BRPF3: variants seen among roughly 807,000 people sequenced by gnomAD.
The protein encoded by BRPF3 is bromodomain and PHD finger containing 3, also known as bromodomain and PHD finger-containing protein 3.
BRPF3 carries 18 observed loss-of-function variants against 102.0 expected under a neutral mutation model. That is an observed-to-expected ratio of 0.18 (90% CI 0.12 to 0.26). The LOEUF (loss-of-function observed/expected upper bound fraction) is 0.26. BRPF3 is among the 10% of genes least tolerant of loss of function. BRPF3 has a pLI of 1.00. For synonymous variants in BRPF3, 570 were observed against 614.2 expected, an observed-to-expected ratio of 0.93 and a Z score of 1.06; for missense variants, 1,147 against 1,567.8, an observed-to-expected ratio of 0.73 and a Z score of 4.53.
At chr6:36,199,325 A>G (rs1217484694) in intron 1 of BRPF3, among the ~76,000 whole-genome samples, 2 of 152,218 alleles carry the variant, frequency 1.3e-5, no homozygotes, top group Non-Finnish European at 2.9e-5. Flanking sequence ...TGATGATCTG[A>G]GGTGGAACAG....
chr6:36,214,360 G>C lies in BRPF3; in HGVS notation c.2963G>C (p.Arg988Thr), dbSNP rs1189004247. The change falls in exon 8 of 13, where the codon AGG (arginine) becomes ACG (threonine). Residue 988 changes from arginine (R) to threonine (T), a missense_variant. Physicochemically the swap from Arg to Thr is moderately conservative, Grantham distance 71. Coordinates refer to ENST00000357641, the MANE Select transcript of BRPF3 (RefSeq NM_015695.3). ...SRSCSESEGERSPQQEEETGM... is the reference protein window; with the variant it reads ...SRSCSESEGETSPQQEEETGM... ...AGCTGTAGTGAGAGCGAAGGGGAGA[G>C]GTCCCCCCAGCAGGAGGAAGAGACA... 3 of 1,596,710 alleles carry C rather than the reference G, an allele frequency of 1.9e-6. No individual in the cohort carries two copies. The African/African-American group carries it at 4.0e-5, about 21-fold the overall frequency.
chr6:36,207,997 A>G (rs78446375), intron 4 of BRPF3, among the ~76,000 whole-genome samples: 1 of 152,228 alleles, frequency 6.6e-6, no homozygotes, highest in Admixed American at 6.5e-5. Flanking sequence ...CCTCTTCTAC[A>G]GACTACCTGT....
chr6:36,204,342 T>C (rs1207309957), intron 2 of BRPF3: 1 of 354,436 alleles, frequency 2.8e-6, no homozygotes, highest in Non-Finnish European at 5.3e-6. Flanking sequence ...TATTGAGGCA[T>C]AGGCTTGTTT....
chr6:36,209,784 C>T lies in BRPF3; in HGVS notation c.1738-3C>T. 1.9e-6 allele frequency: 3 copies of T among 1,613,742 alleles called. No individual in the cohort carries two copies. Among genetic ancestry groups the T allele is most frequent in the Non-Finnish European group, 2.5e-6 (3 of 1,179,792 alleles). On this transcript the variant is annotated splice_region_variant and splice_polypyrimidine_tract_variant and intron_variant, in intron 4 of 12. Coordinates refer to ENST00000357641, the MANE Select transcript of BRPF3 (RefSeq NM_015695.3). ...ATCTGATCTCACCCCACCTTCCCCA[C>T]AGGTCAAAGTCCAGCAGGCTGCCAT...
intron 4 of BRPF3, among the ~76,000 whole-genome samples, 161 bp from the exon 5 acceptor site, chr6:36,209,626 C>T (rs946171049): frequency 1.3e-5 from 2 of 152,092 alleles, no homozygotes; most frequent in African/African-American, 4.8e-5. Flanking sequence ...GTCATTATTC[C>T]TAGGCTAAAG....
At chr6:36,213,789 CT>C in intron 7 of BRPF3, 90 bp from the exon 8 acceptor site, 1 of 1,321,666 alleles carries the variant, frequency 7.6e-7, no homozygotes, top group Non-Finnish European at 1.0e-6. Flanking sequence ...ACAGCCAATG[CT>C]TTTGGTCCTT....
At chr6:36,203,646 A>G (rs931467329) in intron 2 of BRPF3, among the ~76,000 whole-genome samples, 2 of 152,220 alleles carry the variant, frequency 1.3e-5, no homozygotes, top group East Asian at 3.8e-4. Flanking sequence ...CAACATGCCC[A>G]TCCTTCTAAG....
chr6:36,226,963 T>G (rs1429899993), intron 11 of BRPF3, among the ~76,000 whole-genome samples: 1 of 152,330 alleles, frequency 6.6e-6, no homozygotes, highest in East Asian at 1.9e-4. Context: ...AGGTTTGGAT[T>G]TAAAAAACAA....
In BRPF3 at chr6:36,230,163, C is replaced by T. The variant is rs893596488; in HGVS notation, c.3435-263C>T. Among the ~76,000 whole-genome samples, 1 of 152,142 alleles carries T rather than the reference C, an allele frequency of 6.6e-6. No individual in the cohort carries two copies. The highest frequency in any genetic ancestry group is 6.5e-5 in the Admixed American group (1 of 15,290). ...TCTTAGCCTATGGACCCTTACAACT[C>T]TCCAAACAGAGTAAGGGCCCAGAGA... On this transcript the variant is annotated intron_variant, in intron 12 of 12. Transcript: ENST00000357641. The surrounding 1 kb of genome is among the most constrained non-coding windows in gnomAD (Gnocchi z 5.4).
At chr6:36,207,678 A>G (rs1767953803) in intron 4 of BRPF3, among the ~76,000 whole-genome samples, 1 of 152,178 alleles carries the variant, frequency 6.6e-6, no homozygotes, top group Admixed American at 6.5e-5. Context: ...TTAATATCAT[A>G]TGCCTGGGCC....
Position 36,211,297 on chromosome 6 carries a change from C to G in BRPF3, c.2219C>G (p.Ser740Cys). The G allele has an allele frequency of 6.2e-7, 1 of 1,614,198 alleles. No homozygotes were observed. The highest frequency in any genetic ancestry group is 1.1e-5 in the South Asian group (1 of 91,082). Reference sequence around the variant, plus strand: ...ATCCCAGAGAACCGGGCCCATTTGTCCCCAGAGGTGCAGCTGAAGGAGCTG... The same window carrying G: ...ATCCCAGAGAACCGGGCCCATTTGTGCCCAGAGGTGCAGCTGAAGGAGCTG... ...ILIPENRAHL[S>C]PEVQLKELLE... Residue 740 changes from serine to cysteine, a missense_variant, in exon 7 of 13, where the codon TCC (serine) becomes TGC (cysteine). Ser to Cys is a moderately radical substitution (Grantham distance 112). Coordinates refer to ENST00000357641, the MANE Select transcript of BRPF3 (RefSeq NM_015695.3).
chr6:36,213,639 G>A (rs1340523487), intron 7 of BRPF3, among the ~76,000 whole-genome samples: 1 of 151,570 alleles, frequency 6.6e-6, no homozygotes, highest in Non-Finnish European at 1.5e-5. Context: ...GGAGTTTGTG[G>A]TTGCAGTGAG....
At chr6:36,229,993 G>A (rs954477438) in intron 12 of BRPF3, among the ~76,000 whole-genome samples, 2 of 152,150 alleles carry the variant, frequency 1.3e-5, no homozygotes, top group African/African-American at 2.4e-5. Flanking sequence ...CATACACAGT[G>A]TGCAGGTCCC....
intron 12 of BRPF3, among the ~76,000 whole-genome samples, chr6:36,229,675 A>G (rs967060840): frequency 6.6e-6 from 1 of 152,240 alleles, no homozygotes; most frequent in Non-Finnish European, 1.5e-5. Context: ...CTTAGCACCA[A>G]CAAGAGAGTG....
At position 36,205,221 on chromosome 6, in the gene BRPF3, G is replaced by A. The variant is rs557094639; in HGVS notation, c.1605+407G>A. ...TTTCATAGTAAATACACAAATTTAC[G>A]ATCTAAGTTGTAGCACACAGCCTGT... On this transcript the variant is annotated intron_variant, in intron 3 of 12. Coordinates refer to ENST00000357641, the MANE Select transcript of BRPF3 (RefSeq NM_015695.3). 2.6e-5 allele frequency among the ~76,000 whole-genome samples: 4 copies of A among 152,304 alleles called. No individual in the cohort carries two copies. In the East Asian group the frequency reaches 5.8e-4, roughly 22 times the overall value.
At position 36,209,768 on chromosome 6, in the gene BRPF3, C is replaced by T. The variant is rs551722477; in HGVS notation, c.1738-19C>T. ...TGCAGGGGATGTTCTGATCTGATCT[C>T]ACCCCACCTTCCCCACAGGTCAAAG... On this transcript the variant is annotated intron_variant, in intron 4 of 12. Transcript: ENST00000357641. The T allele has an allele frequency of 3.9e-5, 63 of 1,612,926 alleles. No individual in the cohort carries two copies. The South Asian group carries it at 6.2e-4, about 16-fold the overall frequency.
At chr6:36,224,033 A>G (rs1427579491) in intron 10 of BRPF3, among the ~76,000 whole-genome samples, 3 of 152,164 alleles carry the variant, frequency 2.0e-5, no homozygotes, top group Non-Finnish European at 4.4e-5. Flanking sequence ...CAATAGGTGC[A>G]AAATAGTATC....
At chr6:36,204,588 T>C (rs922811436) in intron 2 of BRPF3, 70 bp from the exon 3 acceptor site, 1 of 1,564,436 alleles carries the variant, frequency 6.4e-7, no homozygotes, top group Non-Finnish European at 8.8e-7. Flanking sequence ...CAGGTCTGGA[T>C]AGGATGCACA....
chr6:36,224,722 A>G (rs1343329529), intron 10 of BRPF3, among the ~76,000 whole-genome samples: 3 of 152,222 alleles, frequency 2.0e-5, no homozygotes, highest in Non-Finnish European at 4.4e-5. Flanking sequence ...CCCTAAGGCC[A>G]TGAGGATGAA....
Sources: allele counts gnomAD v4.1 joint callset (sites outside exome capture counted in the v4.1 genomes callset), GRCh38; gene constraint gnomAD v4.1.1; non-coding constraint Gnocchi (gnomAD v3.1); transcripts MANE v1.5; gene names NCBI Gene and HGNC (gene_info 2026-07-23, HGNC 2026-07-21).